Variants in TLL1 observed in about 807,000 individuals in gnomAD.
TLL1 encodes the protein tolloid like 1, also known as tolloid-like protein 1.
Under a neutral mutation model 128.2 loss-of-function variants are expected in TLL1, and 49 were observed. The ratio of observed to expected loss-of-function variants is 0.38; its 90% CI spans 0.30 to 0.48. TLL1 has a LOEUF of 0.48. TLL1 is among the 20% of genes least tolerant of loss of function. The pLI is 0.96. For synonymous variants in TLL1, 454 were observed against 418.8 expected (o/e 1.08, Z -1.03); for missense variants, 1,123 against 1,242.0 (o/e 0.90, Z 1.44).
chr4:166,093,622 C>T (rs1169027409), intron 19 of TLL1, among the ~76,000 whole-genome samples: 6 of 152,142 alleles, frequency 3.9e-5, no homozygotes, highest in Admixed American at 6.5e-5. Context: ...TTTTACTAAT[C>T]CACCTCAGCA....
At chr4:166,005,187 C>A (rs1007271335) in intron 6 of TLL1, among the ~76,000 whole-genome samples, 1 of 151,936 alleles carries the variant, frequency 6.6e-6, no homozygotes, top group Non-Finnish European at 1.5e-5. Flanking sequence ...ATTGATAAAA[C>A]AGCATGTTTT....
chr4:165,922,311 G>C (rs1733074259), intron 1 of TLL1, among the ~76,000 whole-genome samples: 1 of 152,152 alleles, frequency 6.6e-6, no homozygotes, highest in African/African-American at 2.4e-5. Context: ...TTTGTTATTG[G>C]TTGGTTGTTT....
intron 10 of TLL1, among the ~76,000 whole-genome samples, chr4:166,039,725 T>TACTC (rs1739158436): frequency 6.6e-6 from 1 of 152,160 alleles, no homozygotes; most frequent in South Asian, 2.1e-4. Context: ...CTATCATGAG[T>TACTC]ACTCCTCACA....
intron 1 of TLL1, among the ~76,000 whole-genome samples, chr4:165,911,529 G>C (rs1732527459): frequency 6.6e-6 from 1 of 152,152 alleles, no homozygotes; most frequent in Non-Finnish European, 1.5e-5. Flanking sequence ...TGCTGTCTCA[G>C]TCTTTTTGGT....
intron 1 of TLL1, among the ~76,000 whole-genome samples, chr4:165,946,771 A>G (rs1734269900): frequency 6.6e-6 from 1 of 152,130 alleles, no homozygotes. Context: ...AAAAGACTGG[A>G]AGAATTTTGA....
At chr4:165,931,705 T>C (rs182147629) in intron 1 of TLL1, among the ~76,000 whole-genome samples, 1,537 of 70,936 alleles carry the variant, frequency 0.022, 31 homozygotes, top group Middle Eastern at 0.034. Context: ...GGCGACAGAG[T>C]AAGACTCTGT....
chr4:165,888,103 A>G (rs906984104), intron 1 of TLL1, among the ~76,000 whole-genome samples: 13 of 152,194 alleles, frequency 8.5e-5, no homozygotes, highest in African/African-American at 2.4e-4. Flanking sequence ...TTCTTCCTTT[A>G]TAGTCCCTCT....
chr4:166,029,886 T>C (rs1237382679), intron 9 of TLL1, among the ~76,000 whole-genome samples: 8 of 152,038 alleles, frequency 5.3e-5, no homozygotes, highest in African/African-American at 1.9e-4. Context: ...TATCCTTTCA[T>C]TCATTGGTAG....
chr4:166,018,629 A>T (rs962473480), intron 8 of TLL1, among the ~76,000 whole-genome samples: 4 of 152,184 alleles, frequency 2.6e-5, no homozygotes, highest in African/African-American at 7.2e-5. Flanking sequence ...AACCCCATTT[A>T]AAAAATGGGC....
At chr4:165,925,998 G>A (rs10010647) in intron 1 of TLL1, among the ~76,000 whole-genome samples, 33,417 of 151,976 alleles carry the variant, frequency 0.22, 6,072 homozygotes, top group African/African-American at 0.48. Context: ...AGACTACAGC[G>A]TAGTATAAAT....
chr4:165,975,331 C>A (rs1380551574), intron 1 of TLL1, among the ~76,000 whole-genome samples: 1 of 152,026 alleles, frequency 6.6e-6, no homozygotes, highest in African/African-American at 2.4e-5. Flanking sequence ...CCTTCCCCCT[C>A]CCCCACGCCA....
intron 1 of TLL1, among the ~76,000 whole-genome samples, chr4:165,901,545 C>A (rs1371568367): frequency 1.3e-5 from 2 of 152,200 alleles, no homozygotes; most frequent in South Asian, 2.1e-4. Flanking sequence ...CCACTCCAGA[C>A]CCTGTTTGCC....
At chr4:166,021,134 GA>G (rs1230231067) in intron 8 of TLL1, among the ~76,000 whole-genome samples, 3 of 151,986 alleles carry the variant, frequency 2.0e-5, no homozygotes, top group Non-Finnish European at 4.4e-5. Context: ...CTTATATTTT[GA>G]GAGAATTCGC....
At chr4:166,093,141 AC>A (rs754124318) in intron 19 of TLL1, among the ~76,000 whole-genome samples, 4 of 152,282 alleles carry the variant, frequency 2.6e-5, no homozygotes, top group Non-Finnish European at 5.9e-5. Flanking sequence ...GAAATAAGAC[AC>A]GGAGACAAAG....
At chr4:165,893,986 C>T (rs541384254) in intron 1 of TLL1, among the ~76,000 whole-genome samples, 32 of 152,114 alleles carry the variant, frequency 2.1e-4, no homozygotes, top group South Asian at 6.2e-4. Flanking sequence ...AGTATTACAG[C>T]GTTATTTTAA....
At chr4:166,023,237 T>C (rs1304064444) in intron 8 of TLL1, among the ~76,000 whole-genome samples, 1 of 152,040 alleles carries the variant, frequency 6.6e-6, no homozygotes, top group Non-Finnish European at 1.5e-5. Flanking sequence ...CCATCTCTAC[T>C]AAAAATACAA....
At chr4:165,929,453 C>T (rs560339213) in intron 1 of TLL1, among the ~76,000 whole-genome samples, 2 of 151,710 alleles carry the variant, frequency 1.3e-5, no homozygotes, top group Admixed American at 6.6e-5. Context: ...GCAGGAGAAC[C>T]GCTTGACCCC....
intron 8 of TLL1, 70 bp downstream of exon 8, chr4:166,014,630 T>C: frequency 6.3e-7 from 1 of 1,597,316 alleles, no homozygotes; most frequent in East Asian, 2.2e-5. Flanking sequence ...TAAGCCATGA[T>C]TTACTCAACT....
intron 6 of TLL1, among the ~76,000 whole-genome samples, chr4:166,006,577 G>T (rs1737439293): frequency 6.6e-6 from 1 of 151,680 alleles, no homozygotes; most frequent in Admixed American, 6.6e-5. Flanking sequence ...TCATAGATTT[G>T]TTATATTAGA....
Sources: allele counts gnomAD v4.1 joint callset (sites outside exome capture counted in the v4.1 genomes callset), GRCh38; gene constraint gnomAD v4.1.1; transcripts MANE v1.5; gene names NCBI Gene and HGNC (gene_info 2026-07-23, HGNC 2026-07-21).